Variants in SLC25A17 observed in about 807,000 individuals in gnomAD.
The protein encoded by SLC25A17 is peroxisomal membrane protein PMP34.
A neutral mutation model predicts 38.5 loss-of-function variants in SLC25A17; 26 were observed. The observed-to-expected ratio is 0.68, with a 90% confidence interval of 0.50 to 0.94. The LOEUF (loss-of-function observed/expected upper bound fraction) is 0.94, where lower values mean the gene tolerates loss of function less well. Ranked by LOEUF, SLC25A17 falls within the 40% of genes least tolerant of loss-of-function variation. The pLI, the probability that SLC25A17 is intolerant of heterozygous loss-of-function variation, is 0.00. For missense variants in SLC25A17, 333 were observed against 372.7 expected, an observed-to-expected ratio of 0.89 and a Z score of 0.88; for synonymous variants, 139 against 136.2, an observed-to-expected ratio of 1.02 and a Z score of -0.14.
chr22:40,772,642 T>A (rs1021093233), intron 8 of SLC25A17, among the ~76,000 whole-genome samples: 2 of 152,030 alleles, frequency 1.3e-5, no homozygotes, highest in Admixed American at 1.3e-4. Flanking sequence ...CTTTTTTTTT[T>A]TTTATTTTTT....
intron 4 of SLC25A17, chr22:40,784,748 C>G (rs1384611908): frequency 6.9e-6 from 1 of 144,464 alleles, no homozygotes; most frequent in Non-Finnish European, 1.5e-5. Context: ...TACTCCAGTG[C>G]CCGGATGACA....
chr22:40,788,460 A>G lies in SLC25A17; in HGVS notation c.334+4065T>C, dbSNP rs1031248554. ...ATAATCCCAGCACTTTGGGAGGCCA[A>G]CGCAGACAGATCACGAGGTCAGGAG... On this transcript the variant is annotated intron_variant, in intron 4 of 8. Transcript: ENST00000435456. Among the ~76,000 whole-genome samples, 4 of 152,334 alleles carry G rather than the reference A, an allele frequency of 2.6e-5. No individual in the cohort carries two copies. The South Asian group carries it at 8.3e-4, about 32-fold the overall frequency.
chr22:40,778,130 G>C (rs1385444408), intron 5 of SLC25A17, among the ~76,000 whole-genome samples: 1 of 152,186 alleles, frequency 6.6e-6, no homozygotes, highest in Non-Finnish European at 1.5e-5. Context: ...TGGCAATGTG[G>C]TACTATTGAA....
intron 3 of SLC25A17, among the ~76,000 whole-genome samples, chr22:40,793,387 T>C (rs764113111): frequency 5.9e-5 from 9 of 152,178 alleles, no homozygotes; most frequent in Non-Finnish European, 1.3e-4. Flanking sequence ...TATCTCCACA[T>C]AGACTGCTTA....
intron 4 of SLC25A17, among the ~76,000 whole-genome samples, chr22:40,782,286 C>T (rs560280231): frequency 2.6e-5 from 4 of 152,216 alleles, no homozygotes; most frequent in East Asian, 1.9e-4. Flanking sequence ...ATGCTACTTC[C>T]GCTCTAAAGT....
Position 40,789,733 on chromosome 22 carries a change from C to T in SLC25A17, c.334+2792G>A, listed in dbSNP as rs980080292. ...ATGTAGGCTAGGCTGTTCTCGAACT[C>T]CTGACCTCAGGTGATACACCCGCCT... On this transcript the variant is annotated intron_variant, in intron 4 of 8. Coordinates refer to ENST00000435456, the MANE Select transcript of SLC25A17 (RefSeq NM_006358.4). The surrounding 1 kb of genome is among the most constrained non-coding windows in gnomAD (Gnocchi z 4.5). Among the ~76,000 whole-genome samples the T allele has an allele frequency of 1.3e-5, 2 of 151,872 alleles. No homozygotes were observed. The highest frequency in any genetic ancestry group is 4.8e-5 in the African/African-American group (2 of 41,366).
chr22:40,802,731 G>A (rs1304497437), intron 1 of SLC25A17, among the ~76,000 whole-genome samples: 1 of 152,150 alleles, frequency 6.6e-6, no homozygotes, highest in African/African-American at 2.4e-5. Context: ...AAGAGGGTTA[G>A]CTGAAAACCC....
At chr22:40,799,527 G>A (rs138308) in intron 1 of SLC25A17, 151,091 of 152,642 alleles carry the variant, frequency 0.99, 74,785 homozygotes, top group Middle Eastern at 1. Flanking sequence ...CCACGCGACT[G>A]TTTTTTGTAT....
At chr22:40,794,776 T>C (rs1039522616) in intron 2 of SLC25A17, among the ~76,000 whole-genome samples, 196 bp from the exon 3 acceptor site, 1 of 152,052 alleles carries the variant, frequency 6.6e-6, no homozygotes, top group Non-Finnish European at 1.5e-5. Context: ...CACACCACCA[T>C]GCCCAGCTAA....
chr22:40,784,597 A>G, intron 4 of SLC25A17: 1 of 247,616 alleles, frequency 4.0e-6, no homozygotes, highest in Non-Finnish European at 8.7e-6. Flanking sequence ...ACACAGAAAG[A>G]CCCCCATCTG....
At chr22:40,803,130 T>A (rs1346061122) in intron 1 of SLC25A17, among the ~76,000 whole-genome samples, 1 of 152,204 alleles carries the variant, frequency 6.6e-6, no homozygotes, top group Non-Finnish European at 1.5e-5. Flanking sequence ...GTCTAACTTT[T>A]TCTTCTTTTA....
intron 7 of SLC25A17, among the ~76,000 whole-genome samples, chr22:40,775,792 C>G (rs1351474824): frequency 1.3e-5 from 2 of 152,196 alleles, no homozygotes; most frequent in African/African-American, 4.8e-5. Context: ...AGGAGTTCCC[C>G]CTGCACTTGT....
intron 1 of SLC25A17, among the ~76,000 whole-genome samples, chr22:40,799,999 C>T (rs2057467110): frequency 1.3e-5 from 2 of 152,096 alleles, no homozygotes; most frequent in East Asian, 1.9e-4. Context: ...CCAAAATACC[C>T]GGTAATTAAA....
At chr22:40,779,196 T>C in intron 4 of SLC25A17, 71 bp from the exon 5 acceptor site, 2 of 1,609,572 alleles carry the variant, frequency 1.2e-6, no homozygotes, top group Non-Finnish European at 1.7e-6. Context: ...GCTTTAAAGC[T>C]ACATACCAAT....
At position 40,779,302 on chromosome 22, in the gene SLC25A17, G is replaced by A. The variant is rs7289353; in HGVS notation, c.335-177C>T. On this transcript the variant is annotated intron_variant, in intron 4 of 8. Transcript: ENST00000435456. ...AACACAAGCCACTACTGTTAGAAGC[G>A]ATTTGGAAGCTTTGCTGATAGCAAA... The A allele has an allele frequency of 1.2e-3, 1,732 of 1,448,106 alleles. 16 individuals are homozygous for A. In the African/African-American group the frequency reaches 0.023, roughly 19 times the overall value. The allele number at this position is 1,448,106 out of a possible 1,614,324, so 89.7% of individuals were successfully genotyped here.
chr22:40,802,082 G>A (rs554051134), intron 1 of SLC25A17, among the ~76,000 whole-genome samples: 8 of 151,756 alleles, frequency 5.3e-5, no homozygotes, highest in African/African-American at 1.7e-4. Context: ...GTGAGCCACC[G>A]TGCCTGGCCG....
At chr22:40,772,492 G>A (rs531803330) in intron 8 of SLC25A17, among the ~76,000 whole-genome samples, 21 of 151,714 alleles carry the variant, frequency 1.4e-4, no homozygotes, top group Admixed American at 1.2e-3. Flanking sequence ...GTGTAGAGAC[G>A]GGGTCTCACT....
At chr22:40,784,179 T>C (rs918969026) in intron 4 of SLC25A17, among the ~76,000 whole-genome samples, 1 of 152,176 alleles carries the variant, frequency 6.6e-6, no homozygotes, top group African/African-American at 2.4e-5. Context: ...TGCCATATCC[T>C]TAGCATCTAG....
Position 40,771,107 on chromosome 22 carries a change from A to G in SLC25A17, c.777-126T>C. The stretch of plus-strand genomic sequence containing the variant: ...GATTTCAACACAGACTTCTGTTGTC[A>G]AAGTACTTTCCTTTTTTTGAGACGG... On this transcript the variant is annotated intron_variant, in intron 8 of 8. Coordinates refer to ENST00000435456, the MANE Select transcript of SLC25A17 (RefSeq NM_006358.4). 5.9e-6 allele frequency: 5 copies of G among 854,624 alleles called. 1 individual carries two copies. In the South Asian group the frequency reaches 7.8e-5, roughly 13 times the overall value. 52.9% of individuals were successfully genotyped at this position (854,624 alleles called of 1,614,324 possible).
Sources: gnomAD v4.1 joint callset for allele counts (sites outside exome capture counted in the v4.1 genomes callset) on GRCh38, gnomAD v4.1.1 for gene constraint, Gnocchi (gnomAD v3.1) non-coding constraint, MANE v1.5 for transcripts, NCBI Gene and HGNC (gene_info 2026-07-23, HGNC 2026-07-21) for gene names.